The following FLYWCH1 variants were observed in gnomAD, a reference collection of about 807,000 sequenced individuals.
FLYWCH1 encodes FLYWCH-type zinc finger-containing protein 1.
Under a neutral mutation model 66.4 loss-of-function variants are expected in FLYWCH1, and 75 were observed. The ratio of observed to expected loss-of-function variants is 1.13; its 90% confidence interval spans 0.94 to 1.37. FLYWCH1 has a LOEUF of 1.37. Among genes scored for constraint, FLYWCH1 ranks in the 40% most tolerant of loss-of-function variants. The probability of loss-of-function intolerance (pLI) is 0.00; values close to 1 mark genes in which losing one functional copy is unlikely to be tolerated. For missense variants in FLYWCH1, 1,334 were observed against 1,001.8 expected (o/e 1.33, Z -4.48); for synonymous variants, 595 against 429.9 (o/e 1.38, Z -4.75).
chr16:2,922,681 C>A (rs1005576505), intron 2 of FLYWCH1: 42 of 461,284 alleles, frequency 9.1e-5, no homozygotes, highest in Middle Eastern at 7.0e-4. Context: ...ATTTTGTTGG[C>A]CACACCCAAA....
chr16:2,927,398 G>A (rs950980818), intron 2 of FLYWCH1, among the ~76,000 whole-genome samples: 4 of 152,154 alleles, frequency 2.6e-5, no homozygotes. Flanking sequence ...GCTTCACCAT[G>A]AAAATGTTAA....
At chr16:2,917,793 C>T (rs905488052) in intron 2 of FLYWCH1, among the ~76,000 whole-genome samples, 7 of 151,724 alleles carry the variant, frequency 4.6e-5, no homozygotes, top group Admixed American at 3.9e-4. Flanking sequence ...CTTTGGCCTC[C>T]CTCTTCCCCT....
Position 2,938,195 on chromosome 16 carries a change from C to A in FLYWCH1, c.1789C>A (p.Pro597Thr). 6.2e-7 allele frequency: 1 copy of A among 1,612,532 alleles called. No homozygotes were observed. Among genetic ancestry groups the A allele is most frequent in the Non-Finnish European group, 8.5e-7 (1 of 1,179,516 alleles). The change falls in exon 8 of 10, where the codon CCC becomes ACC. Residue 597 changes from proline to threonine, a missense_variant. Pro to Thr is a conservative substitution (Grantham distance 38, BLOSUM62 -1). Coordinates refer to ENST00000253928, the MANE Select transcript of FLYWCH1 (RefSeq NM_001308068.2). ...AQWDSPDPLR[P>T]LEFLRTSLGG... is the part of the protein sequence containing the mutation. The stretch of plus-strand genomic sequence containing the variant: ...ACTTTCCCTTTCAGATCCTCTCCGG[C>A]CCCTGGAGTTCCTGAGGACTTCCCT...
chr16:2,931,565 G>C (rs930102536), intron 4 of FLYWCH1, among the ~76,000 whole-genome samples: 3 of 151,816 alleles, frequency 2.0e-5, no homozygotes, highest in Non-Finnish European at 4.4e-5. Context: ...GCAGTGAGCC[G>C]GGATCACGCC....
In FLYWCH1 at chr16:2,933,360, C is replaced by A; in HGVS notation, c.1027C>A (p.Gln343Lys). The change falls in exon 5 of 10, where the codon CAG becomes AAG. Residue 343 changes from glutamine to lysine, a missense_variant. Coordinates refer to ENST00000253928, the MANE Select transcript of FLYWCH1 (RefSeq NM_001308068.2). Reference sequence around the variant, plus strand: ...TATGGAGGGCCTGGAAGCCCGGCGGCAGCAGGAGAAGGCCGTGGAGACGCT... The same window carrying A: ...TATGGAGGGCCTGGAAGCCCGGCGGAAGCAGGAGAAGGCCGTGGAGACGCT... Reference protein sequence around the residue: ...PDMEGLEARRQQEKAVETLQA... With the variant: ...PDMEGLEARRKQEKAVETLQA... 1 of 1,604,210 alleles carries A rather than the reference C, an allele frequency of 6.2e-7. No homozygotes were observed. The highest frequency in any genetic ancestry group is 8.5e-7 in the Non-Finnish European group (1 of 1,175,952).
intron 9 of FLYWCH1, among the ~76,000 whole-genome samples, chr16:2,944,232 C>T (rs974926944): frequency 6.6e-5 from 10 of 150,928 alleles, no homozygotes; most frequent in African/African-American, 9.8e-5. Flanking sequence ...ACTAAAAATA[C>T]AATAGCCAGG....
At chr16:2,916,815 G>A (rs968595537) in intron 2 of FLYWCH1, among the ~76,000 whole-genome samples, 1 of 151,668 alleles carries the variant, frequency 6.6e-6, no homozygotes, top group Non-Finnish European at 1.5e-5. Flanking sequence ...TACCCCTAAG[G>A]TTCCTGAAAC....
At chr16:2,912,650 A>C (rs1313345542) in intron 1 of FLYWCH1, among the ~76,000 whole-genome samples, 1 of 152,188 alleles carries the variant, frequency 6.6e-6, no homozygotes, top group African/African-American at 2.4e-5. Flanking sequence ...CTGAAGCACA[A>C]GTTTAAAGGG....
At chr16:2,939,338 T>C (rs936722024) in intron 8 of FLYWCH1, among the ~76,000 whole-genome samples, 1 of 152,116 alleles carries the variant, frequency 6.6e-6, no homozygotes, top group African/African-American at 2.4e-5. Flanking sequence ...CCAGCTACGC[T>C]GTAATCCCAG....
chr16:2,935,237 T>C (rs138292533), intron 6 of FLYWCH1: 1 of 152,656 alleles, frequency 6.6e-6, no homozygotes, highest in Non-Finnish European at 1.5e-5. Context: ...TTGGTTTCAC[T>C]TTAGCCTAGA....
chr16:2,916,472 A>G (rs571410885), intron 2 of FLYWCH1, among the ~76,000 whole-genome samples: 1 of 152,146 alleles, frequency 6.6e-6, no homozygotes, highest in South Asian at 2.1e-4. Context: ...CGTCTCTACT[A>G]ACAAAATACA....
intron 9 of FLYWCH1, among the ~76,000 whole-genome samples, chr16:2,944,593 C>A (rs186014963): frequency 6.5e-4 from 98 of 151,920 alleles, no homozygotes; most frequent in African/African-American, 2.3e-3. Context: ...TAGGCTGAGG[C>A]AGGCAGATCC....
At chr16:2,945,272 G>C (rs60376998) in intron 9 of FLYWCH1, among the ~76,000 whole-genome samples, 158 of 152,162 alleles carry the variant, frequency 1.0e-3, no homozygotes, top group African/African-American at 3.7e-3. Context: ...CGGATCACGA[G>C]GTCAGGAGAT....
chr16:2,925,814 T>G (rs2070547525), intron 2 of FLYWCH1, among the ~76,000 whole-genome samples: 1 of 151,574 alleles, frequency 6.6e-6, no homozygotes, highest in Non-Finnish European at 1.5e-5. Context: ...CTTAATGGAG[T>G]TAAGGAGCCG....
intron 9 of FLYWCH1, among the ~76,000 whole-genome samples, chr16:2,946,316 CTTTT>C (rs58279573): frequency 1.5e-4 from 11 of 75,532 alleles, no homozygotes; most frequent in Non-Finnish European, 2.4e-4. Flanking sequence ...GTGGGCTGTA[CTTTT>C]TTTTTTTTTT....
chr16:2,924,695 G>T (rs1383817582), intron 2 of FLYWCH1, among the ~76,000 whole-genome samples: 1 of 152,232 alleles, frequency 6.6e-6, no homozygotes, highest in African/African-American at 2.4e-5. Context: ...CAGGCAGGTG[G>T]AGACAAAGCC....
chr16:2,947,025 C>A (rs1263322928), intron 9 of FLYWCH1, among the ~76,000 whole-genome samples: 1 of 152,114 alleles, frequency 6.6e-6, no homozygotes, highest in Non-Finnish European at 1.5e-5. Context: ...AAACACATGT[C>A]CACACAGAAG....
At position 2,930,026 on chromosome 16, in the gene FLYWCH1, C is replaced by T. The variant is rs1287509068; in HGVS notation, c.325+16C>T. The T allele has an allele frequency of 2.5e-6, 4 of 1,589,392 alleles. No homozygotes were observed. Among genetic ancestry groups the T allele is most frequent in the Middle Eastern group, 1.7e-4 (1 of 5,962 alleles). The stretch of plus-strand genomic sequence containing the variant: ...CTGGATGCAGGTGAGGTGTGGCTTC[C>T]CGCCCCTGCCCAGCCACCCCGTGGG... On this transcript the variant is annotated intron_variant, in intron 3 of 9. Transcript: ENST00000253928.
In FLYWCH1 at chr16:2,948,756, G is replaced by A. The variant is rs376773380; in HGVS notation, c.*29G>A. 2.5e-5 allele frequency: 40 copies of A among 1,611,834 alleles called. No individual in the cohort carries two copies. The highest frequency in any genetic ancestry group is 5.0e-5 in the Admixed American group (3 of 59,970). On this transcript the variant is annotated 3_prime_UTR_variant, in exon 10 of 10. Transcript: ENST00000253928. ...GATGTGGGCAGAGGAGCTCCGAGCCGCCCACCCAAGGTGGCTTCACATCCA... is the reference window on the plus strand; with the variant it reads ...GATGTGGGCAGAGGAGCTCCGAGCCACCCACCCAAGGTGGCTTCACATCCA...
Sources: allele counts gnomAD v4.1 joint callset (sites outside exome capture counted in the v4.1 genomes callset), GRCh38; gene constraint gnomAD v4.1.1; transcripts MANE v1.5; gene names NCBI Gene and HGNC (gene_info 2026-07-23, HGNC 2026-07-21).